The following COL22A1 variants were observed in gnomAD, a reference collection of about 807,000 sequenced individuals.
The protein encoded by COL22A1 is collagen alpha-1(XXII) chain.
A neutral mutation model predicts 248.9 loss-of-function variants in COL22A1; 221 were observed. The ratio of observed to expected loss-of-function variants is 0.89; its 90% CI spans 0.80 to 0.99. The LOEUF is 0.99. Ranked by LOEUF, COL22A1 falls within the 50% of genes least tolerant of loss-of-function variation. The pLI, the probability that COL22A1 is intolerant of heterozygous loss-of-function variation, is 0.00. For missense variants in COL22A1, 2,240 were observed against 2,179.0 expected, an observed-to-expected ratio of 1.03 and a Z score of -0.56; for synonymous variants, 891 against 793.4, an observed-to-expected ratio of 1.12 and a Z score of -2.07.
In COL22A1 at chr8:138,755,158, C is replaced by T. The variant is rs532799286; in HGVS notation, c.2030G>A (p.Arg677Gln). The T allele has an allele frequency of 2.2e-5, 35 of 1,614,080 alleles. No individual in the cohort carries two copies. Among genetic ancestry groups the T allele is most frequent in the Admixed American group, 1.2e-4 (7 of 60,014 alleles). ...CTGCGCAGGAGAGGGACAACTTACC[C>T]GAGCTCCTGGAGGACCGGGGGCGCC... ...HQGAPGPPGA[R>Q]GPIGPEGRDG... Residue 677 changes from arginine (R) to glutamine (Q), a missense_variant and splice_region_variant, in exon 21 of 65, where the codon CGG becomes CAG. Coordinates refer to ENST00000303045, the MANE Select transcript of COL22A1 (RefSeq NM_152888.3).
intron 6 of COL22A1, among the ~76,000 whole-genome samples, chr8:138,824,552 C>T (rs563182440): frequency 4.6e-5 from 7 of 152,200 alleles, no homozygotes; most frequent in Non-Finnish European, 1.0e-4. Context: ...GCCTACAAGA[C>T]TTATTGAAAC....
chr8:138,630,607 C>G, intron 50 of COL22A1, 88 bp downstream of exon 50: 5 of 1,117,898 alleles, frequency 4.5e-6, no homozygotes, highest in Non-Finnish European at 6.8e-6. Context: ...AGGAGGCACA[C>G]AGGACAAGAG....
chr8:138,747,866 A>G (rs1202911848), intron 22 of COL22A1, among the ~76,000 whole-genome samples: 1 of 152,194 alleles, frequency 6.6e-6, no homozygotes, highest in Non-Finnish European at 1.5e-5. Context: ...TAGGAAAAAA[A>G]TTGGAAAAGG....
At chr8:138,907,894 C>A (rs1291555756) in intron 1 of COL22A1, among the ~76,000 whole-genome samples, 1 of 152,168 alleles carries the variant, frequency 6.6e-6, no homozygotes, top group Non-Finnish European at 1.5e-5. Context: ...GGGGTGTGCC[C>A]TCATGACCCA....
At chr8:138,625,153 A>T (rs1018805480) in intron 51 of COL22A1, among the ~76,000 whole-genome samples, 1 of 152,210 alleles carries the variant, frequency 6.6e-6, no homozygotes, top group African/African-American at 2.4e-5. Context: ...ACTCCGAAGA[A>T]AAGGAAGATC....
intron 3 of COL22A1, among the ~76,000 whole-genome samples, chr8:138,863,655 G>A (rs886125677): frequency 6.6e-6 from 1 of 152,196 alleles, no homozygotes; most frequent in Admixed American, 6.5e-5. Flanking sequence ...GGTGCGGGGA[G>A]CCTGCAGGGC....
At chr8:138,705,293 T>C (rs1828331943) in intron 30 of COL22A1, among the ~76,000 whole-genome samples, 1 of 152,090 alleles carries the variant, frequency 6.6e-6, no homozygotes. Flanking sequence ...ACCACAAAGA[T>C]ACTCCTCGAG....
chr8:138,681,108 C>T (rs1186876568), intron 39 of COL22A1, among the ~76,000 whole-genome samples: 1 of 152,166 alleles, frequency 6.6e-6, no homozygotes, highest in Non-Finnish European at 1.5e-5. Context: ...TGCCACCCCA[C>T]AGAGTGATCT....
At position 138,601,873 on chromosome 8, in the gene COL22A1, A is replaced by G. The variant is rs1282652172; in HGVS notation, c.4185+242T>C. Among the ~76,000 whole-genome samples the G allele has an allele frequency of 2.6e-5, 4 of 152,204 alleles. No homozygotes were observed. The South Asian group carries it at 6.2e-4, about 24-fold the overall frequency. On this transcript the variant is annotated intron_variant, in intron 60 of 64. Transcript: ENST00000303045. ...GATGATTTTAGTCCTTAAAATGATA[A>G]CCAAAAAGAAAAAAAGGAAAAACAT...
intron 15 of COL22A1, among the ~76,000 whole-genome samples, chr8:138,777,457 A>G (rs1193083026): frequency 2.0e-5 from 3 of 152,014 alleles, no homozygotes; most frequent in Non-Finnish European, 2.9e-5. Flanking sequence ...TGCTTCTTTC[A>G]TTTATCTATG....
intron 46 of COL22A1, 67 bp downstream of exon 46, chr8:138,649,598 T>C: frequency 6.4e-7 from 1 of 1,557,442 alleles, no homozygotes; most frequent in Non-Finnish European, 8.7e-7. Context: ...GATGGGGCAA[T>C]ACTGAGATCT....
chr8:138,778,528 C>T (rs1476900429), intron 14 of COL22A1, 122 bp from the exon 15 acceptor site: 2 of 804,040 alleles, frequency 2.5e-6, no homozygotes, highest in South Asian at 1.8e-5. Flanking sequence ...TCACCAAGTG[C>T]TGCCCATGCT....
chr8:138,810,940 T>C (rs781287468), intron 9 of COL22A1, among the ~76,000 whole-genome samples: 6 of 152,056 alleles, frequency 3.9e-5, no homozygotes, highest in East Asian at 1.9e-4. Context: ...GAGGAACAGA[T>C]AGAGAGGGAC....
intron 27 of COL22A1, 42 bp downstream of exon 27, chr8:138,720,697 C>G (rs1273237976): frequency 2.6e-6 from 4 of 1,540,542 alleles, no homozygotes; most frequent in South Asian, 1.1e-5. Flanking sequence ...ATAGACCACT[C>G]AGAATAGCAA....
chr8:138,729,914 C>T (rs906441509), intron 23 of COL22A1, among the ~76,000 whole-genome samples: 2 of 152,182 alleles, frequency 1.3e-5, no homozygotes, highest in Non-Finnish European at 2.9e-5. Flanking sequence ...TGGCATAACT[C>T]GCTTTGTTTC....
At position 138,821,234 on chromosome 8, in the gene COL22A1, C is replaced by G; in HGVS notation, c.1147G>C (p.Ala383Pro). Reference sequence around the variant, plus strand: ...TCGATGGGTAGTGTCTGCACCAGCGCACAGTCAATGTGCAGGGAGACGTTC... The same window carrying G: ...TCGATGGGTAGTGTCTGCACCAGCGGACAGTCAATGTGCAGGGAGACGTTC... ...AQNVSLHIDC[A>P]LVQTLPIEER... Residue 383 changes from alanine to proline, a missense_variant, in exon 7 of 65, where the codon GCG (alanine) becomes CCG (proline). Coordinates refer to ENST00000303045, the MANE Select transcript of COL22A1 (RefSeq NM_152888.3). 1 of 1,614,212 alleles carries G rather than the reference C, an allele frequency of 6.2e-7. No individual in the cohort carries two copies. The highest frequency in any genetic ancestry group is 8.5e-7 in the Non-Finnish European group (1 of 1,180,040).
chr8:138,809,990 G>A (rs1159557579), intron 9 of COL22A1, among the ~76,000 whole-genome samples: 2 of 152,138 alleles, frequency 1.3e-5, no homozygotes, highest in East Asian at 1.9e-4. Flanking sequence ...TGGAAGTAAC[G>A]ATAAGGAGAC....
At chr8:138,632,957 A>T (rs931465498) in intron 49 of COL22A1, among the ~76,000 whole-genome samples, 1 of 152,130 alleles carries the variant, frequency 6.6e-6, no homozygotes, top group African/African-American at 2.4e-5. Flanking sequence ...GCATATGGGG[A>T]TGGGGTAAGT....
intron 12 of COL22A1, among the ~76,000 whole-genome samples, chr8:138,784,982 T>C (rs908820721): frequency 6.6e-6 from 1 of 152,214 alleles, no homozygotes; most frequent in African/African-American, 2.4e-5. Flanking sequence ...GGGGCAGCCC[T>C]ATAAGCTAAG....
Sources: allele counts gnomAD v4.1 joint callset (sites outside exome capture counted in the v4.1 genomes callset), GRCh38; gene constraint gnomAD v4.1.1; transcripts MANE v1.5; gene names NCBI Gene and HGNC (gene_info 2026-07-23, HGNC 2026-07-21).